The following LUZP2 variants were observed in gnomAD, a reference collection of about 807,000 sequenced individuals.
The protein encoded by LUZP2 is leucine zipper protein 2.
Under a neutral mutation model 51.6 loss-of-function variants are expected in LUZP2, and 52 were observed. The ratio of observed to expected loss-of-function variants is 1.01; its 90% CI spans 0.81 to 1.27. The LOEUF is 1.27. Among genes scored for constraint, LUZP2 ranks in the 50% most tolerant of loss-of-function variants. The pLI is 0.00. For synonymous variants in LUZP2, 154 were observed against 137.3 expected, an observed-to-expected ratio of 1.12 and a Z score of -0.85; for missense variants, 436 against 395.4, an observed-to-expected ratio of 1.10 and a Z score of -0.87.
intron 9 of LUZP2, among the ~76,000 whole-genome samples, chr11:25,001,245 A>G (rs1001483644): frequency 1.1e-4 from 16 of 152,220 alleles, no homozygotes; most frequent in African/African-American, 3.9e-4. Context: ...TTCTGTAAGT[A>G]CTTTAAGGTT....
intron 7 of LUZP2, among the ~76,000 whole-genome samples, chr11:24,966,098 T>C (rs2133888467): frequency 6.6e-6 from 1 of 151,912 alleles, no homozygotes; most frequent in South Asian, 2.1e-4. Flanking sequence ...TGATAAATAA[T>C]TAGGTTGAAC....
chr11:24,556,592 G>A (rs935693215), intron 1 of LUZP2, among the ~76,000 whole-genome samples: 3 of 152,106 alleles, frequency 2.0e-5, no homozygotes, highest in African/African-American at 7.2e-5. Flanking sequence ...GAGCATGAGA[G>A]GTCCTTCCAG....
chr11:24,612,534 G>GT (rs1854156427), intron 1 of LUZP2, among the ~76,000 whole-genome samples: 1 of 152,016 alleles, frequency 6.6e-6, no homozygotes, highest in African/African-American at 2.4e-5. Context: ...TCAAGTACCA[G>GT]TTTTTTCTTT....
chr11:24,558,525 AT>A (rs1472634445), intron 1 of LUZP2, among the ~76,000 whole-genome samples: 1 of 152,168 alleles, frequency 6.6e-6, no homozygotes, highest in Non-Finnish European at 1.5e-5. Context: ...GCTTATTGAT[AT>A]CCTGAAACGC....
intron 7 of LUZP2, among the ~76,000 whole-genome samples, chr11:24,962,586 T>G (rs1855447914): frequency 6.6e-6 from 1 of 152,248 alleles, no homozygotes; most frequent in Non-Finnish European, 1.5e-5. Context: ...ATTCTTCACG[T>G]AGTTCTTGAG....
chr11:24,923,187 A>T (rs1434430506), intron 7 of LUZP2, among the ~76,000 whole-genome samples: 1 of 151,904 alleles, frequency 6.6e-6, no homozygotes, highest in East Asian at 1.9e-4. Flanking sequence ...TGATTCCACG[A>T]TATCGTATTT....
chr11:24,789,828 A>G (rs920790255), intron 5 of LUZP2, among the ~76,000 whole-genome samples: 2 of 152,186 alleles, frequency 1.3e-5, no homozygotes, highest in African/African-American at 4.8e-5. Flanking sequence ...ATTCCCATTC[A>G]TGAGGGCTCT....
At chr11:24,942,214 T>C (rs1854771509) in intron 7 of LUZP2, among the ~76,000 whole-genome samples, 1 of 152,184 alleles carries the variant, frequency 6.6e-6, no homozygotes, top group South Asian at 2.1e-4. Flanking sequence ...AATTTTATTT[T>C]GTTCTGGGGA....
chr11:25,009,523 C>T (rs1237462050), intron 9 of LUZP2, among the ~76,000 whole-genome samples: 1 of 152,038 alleles, frequency 6.6e-6, no homozygotes, highest in East Asian at 1.9e-4. Context: ...CTAAAGAAAA[C>T]ATACAAGTAT....
chr11:24,685,903 C>T (rs978469695), intron 1 of LUZP2, among the ~76,000 whole-genome samples: 3 of 152,120 alleles, frequency 2.0e-5, no homozygotes, highest in Non-Finnish European at 2.9e-5. Flanking sequence ...AATGTCCTTC[C>T]TTACCTACTC....
intron 7 of LUZP2, among the ~76,000 whole-genome samples, chr11:24,928,352 G>A (rs1302768192): frequency 1.3e-5 from 2 of 151,760 alleles, no homozygotes; most frequent in African/African-American, 4.8e-5. Context: ...TCCTTGTTTA[G>A]TACTGTGTTT....
At chr11:24,732,055 A>C in intron 2 of LUZP2, 63 bp from the exon 3 acceptor site, 2 of 1,293,838 alleles carry the variant, frequency 1.5e-6, no homozygotes, top group Non-Finnish European at 2.2e-6. Flanking sequence ...TCTAGAACCA[A>C]AGTTAAAGTG....
chr11:24,669,876 T>C (rs1236044478), intron 1 of LUZP2, among the ~76,000 whole-genome samples: 3 of 152,056 alleles, frequency 2.0e-5, no homozygotes, highest in Admixed American at 1.3e-4. Flanking sequence ...TTGATTACTT[T>C]ATGATCAAAT....
intron 1 of LUZP2, among the ~76,000 whole-genome samples, chr11:24,543,497 T>G (rs543425671): frequency 6.6e-6 from 1 of 152,166 alleles, no homozygotes; most frequent in African/African-American, 2.4e-5. Flanking sequence ...AACTTTCCAT[T>G]TGAAATATGG....
At chr11:24,993,359 C>G (rs1401708946) in intron 9 of LUZP2, among the ~76,000 whole-genome samples, 1 of 152,032 alleles carries the variant, frequency 6.6e-6, no homozygotes, top group East Asian at 1.9e-4. Context: ...GCAGTCAATA[C>G]CAAAACTCTA....
chr11:24,819,700 G>C (rs1189308350), intron 5 of LUZP2, among the ~76,000 whole-genome samples: 1 of 152,058 alleles, frequency 6.6e-6, no homozygotes, highest in Non-Finnish European at 1.5e-5. Flanking sequence ...CCTGCCTAAA[G>C]ACTGGATTTC....
chr11:24,591,126 T>A (rs1032775607), intron 1 of LUZP2, among the ~76,000 whole-genome samples: 4 of 151,992 alleles, frequency 2.6e-5, no homozygotes, highest in African/African-American at 7.3e-5. Flanking sequence ...ATAGTAATAA[T>A]AAAATGTTTT....
intron 3 of LUZP2, among the ~76,000 whole-genome samples, chr11:24,735,355 A>G (rs938148539): frequency 2.6e-5 from 4 of 151,946 alleles, no homozygotes; most frequent in Admixed American, 2.6e-4. Context: ...CTGAGAATAT[A>G]TAACCACAAC....
chr11:25,077,300 T>G, intron 10 of LUZP2, 29 bp from the exon 11 acceptor site: 1 of 1,524,704 alleles, frequency 6.6e-7, no homozygotes, highest in Non-Finnish European at 9.1e-7. Context: ...TTAACTTCAT[T>G]GATGTATTTT....
Sources: gnomAD v4.1 joint callset for allele counts (sites outside exome capture counted in the v4.1 genomes callset) on GRCh38, gnomAD v4.1.1 for gene constraint, MANE v1.5 for transcripts, NCBI Gene and HGNC (gene_info 2026-07-23, HGNC 2026-07-21) for gene names.